KIAA1755: variants seen among roughly 807,000 people sequenced by gnomAD.
KIAA1755 encodes KIAA1755.
In KIAA1755, 68 loss-of-function variants were observed where a neutral mutation model predicts 91.7. The observed-to-expected ratio is 0.74, with a 90% CI of 0.61 to 0.91. KIAA1755 has a LOEUF of 0.91. Ranked by LOEUF, KIAA1755 falls within the 40% of genes least tolerant of loss-of-function variation. KIAA1755 has a pLI of 0.00. For missense variants in KIAA1755, 1,535 were observed against 1,494.4 expected, an observed-to-expected ratio of 1.03 and a Z score of -0.45; for synonymous variants, 610 against 604.6, an observed-to-expected ratio of 1.01 and a Z score of -0.13.
In KIAA1755 at chr20:38,260,681, A is replaced by G; in HGVS notation, c.-181T>C. On this transcript the variant is annotated 5_prime_UTR_variant, in exon 1 of 14. Coordinates refer to ENST00000279024, the MANE Select transcript of KIAA1755 (RefSeq NM_001029864.2). ...GGAGGAGCGGCCGGGGAGGACAGGG[A>G]GAGAGACTGAGAGAGAGACAGAGAG... 1.9e-6 allele frequency: 1 copy of G among 534,050 alleles called. No individual in the cohort carries two copies. Among genetic ancestry groups the G allele is most frequent in the Non-Finnish European group, 2.9e-6 (1 of 342,106 alleles). 33.1% of individuals were successfully genotyped at this position (534,050 alleles called of 1,614,324 possible). A position where few individuals can be genotyped will look rare whatever the true frequency, so the allele number is the denominator to read the frequency against.
chr20:38,213,417 C>A lies in KIAA1755; in HGVS notation c.3228G>T (p.Lys1076Asn). 6.2e-7 allele frequency: 1 copy of A among 1,600,314 alleles called. No individual in the cohort carries two copies. The highest frequency in any genetic ancestry group is 8.5e-7 in the Non-Finnish European group (1 of 1,173,096). ...TGACCTCTACACTCACACCCTGGCCCTTGGCTGCCACCCCTCTTCGTTCTG... is the reference window on the plus strand; with the variant it reads ...TGACCTCTACACTCACACCCTGGCCATTGGCTGCCACCCCTCTTCGTTCTG... ...ARPERRGVAA[K>N]GQGVSVEVTS... Residue 1076 changes from lysine (K) to asparagine (N), a missense_variant, in exon 14 of 14, where the codon AAG (lysine) becomes AAT (asparagine). Physicochemically the swap from Lys to Asn is moderately conservative, Grantham distance 94. Coordinates refer to ENST00000279024, the MANE Select transcript of KIAA1755 (RefSeq NM_001029864.2).
At chr20:38,218,084 T>A (rs1007280145) in intron 12 of KIAA1755, 160 bp downstream of exon 12, 1 of 828,728 alleles carries the variant, frequency 1.2e-6, no homozygotes, top group African/African-American at 1.7e-5. Flanking sequence ...CTGGGGGAGA[T>A]AACATCTCAG....
intron 5 of KIAA1755, among the ~76,000 whole-genome samples, chr20:38,228,877 A>T (rs969093891): frequency 1.3e-5 from 2 of 152,070 alleles, no homozygotes; most frequent in African/African-American, 4.8e-5. Context: ...CAGCCAAAAC[A>T]CCCTCCCTGG....
intron 1 of KIAA1755, among the ~76,000 whole-genome samples, chr20:38,250,508 G>C (rs3080898): frequency 0.036 from 4,244 of 118,134 alleles, 124 homozygotes; most frequent in African/African-American, 0.088. Context: ...GTGTGTGTGT[G>C]TGTCTGTGTG....
intron 4 of KIAA1755, among the ~76,000 whole-genome samples, chr20:38,239,265 G>A (rs2076010594): frequency 6.6e-6 from 1 of 152,264 alleles, no homozygotes; most frequent in Admixed American, 6.5e-5. Flanking sequence ...GGGGAACCCA[G>A]TATCCACCTT....
chr20:38,234,039 A>T (rs1021802771), intron 4 of KIAA1755, among the ~76,000 whole-genome samples: 5 of 152,152 alleles, frequency 3.3e-5, no homozygotes, highest in Non-Finnish European at 7.4e-5. Context: ...GGGCATTTGC[A>T]AGCCAAGGAG....
chr20:38,231,363 GT>G (rs1555823057), intron 4 of KIAA1755, 38 bp from the exon 5 acceptor site: 1 of 1,572,346 alleles, frequency 6.4e-7, no homozygotes. Flanking sequence ...GTGAGAACTT[GT>G]GGGGGGCCCT....
In KIAA1755 at chr20:38,213,195, G is replaced by A. The variant is rs748678943; in HGVS notation, c.3450C>T (p.Arg1150=). Residue 1150 remains arginine (R), a synonymous_variant, in exon 14 of 14, where the codon CGC becomes CGT. Coordinates refer to ENST00000279024, the MANE Select transcript of KIAA1755 (RefSeq NM_001029864.2). ...KGSHKLPDPA[R]EHLLATTFFR... is the part of the protein sequence containing the mutation. ...AGAAGGTGGTGGCAAGCAAATGCTC[G>A]CGGGCAGGGTCAGGCAGCTTGTGGG... is the stretch of plus-strand genomic sequence containing the variant. The A allele has an allele frequency of 1.5e-5, 24 of 1,613,456 alleles. No individual in the cohort carries two copies. The Admixed American group carries it at 2.0e-4, about 13-fold the overall frequency.
intron 5 of KIAA1755, among the ~76,000 whole-genome samples, chr20:38,230,034 A>G (rs528305941): frequency 9.2e-5 from 14 of 152,286 alleles, no homozygotes; most frequent in African/African-American, 2.9e-4. Flanking sequence ...CTTACCCCCA[A>G]CAGCAGACCT....
intron 11 of KIAA1755, 140 bp downstream of exon 11, chr20:38,219,490 C>T (rs1166609108): frequency 1.5e-5 from 17 of 1,131,114 alleles, no homozygotes; most frequent in Middle Eastern, 3.0e-4. Context: ...AGGATGCCTG[C>T]CTGGCCTTTG....
rs1006002602 is a variant in KIAA1755, at chr20:38,217,494, G to A, written c.2680-20C>T. 6 of 1,563,862 alleles carry A rather than the reference G, an allele frequency of 3.8e-6. No individual in the cohort carries two copies. The highest frequency in any genetic ancestry group is 1.8e-5 in the Admixed American group (1 of 56,042). On this transcript the variant is annotated intron_variant, in intron 12 of 13. Transcript: ENST00000279024. ...CTGGGCCTGAGAGGGGAGAGGAGGG[G>A]GCGCCCACTCAGCACCCACCTTGGC...
intron 10 of KIAA1755, 38 bp from the exon 11 acceptor site, chr20:38,219,806 C>T: frequency 1.2e-6 from 2 of 1,611,240 alleles, no homozygotes; most frequent in Non-Finnish European, 8.5e-7. Flanking sequence ...GCCTCTGTTG[C>T]CCTCTTCACC....
In KIAA1755 at chr20:38,260,479, C is replaced by G. The variant is rs2076429747; in HGVS notation, c.3+19G>C. 6.7e-7 allele frequency: 1 copy of G among 1,497,872 alleles called. No individual in the cohort carries two copies. Among genetic ancestry groups the G allele is most frequent in the African/African-American group, 1.4e-5 (1 of 70,628 alleles). 92.8% of individuals were successfully genotyped at this position (1,497,872 alleles called of 1,614,324 possible). A position where few individuals can be genotyped will look rare whatever the true frequency, so the allele number is the denominator to read the frequency against. ...CTGAAAGGGGGCAGAGCGAGGTGGTCCAGGCCTTGGCGCGTTACCATGGTG... is the reference window on the plus strand; with the variant it reads ...CTGAAAGGGGGCAGAGCGAGGTGGTGCAGGCCTTGGCGCGTTACCATGGTG... On this transcript the variant is annotated intron_variant, in intron 1 of 13. Transcript: ENST00000279024.
intron 4 of KIAA1755, among the ~76,000 whole-genome samples, chr20:38,232,668 A>G (rs2075889916): frequency 1.3e-5 from 2 of 151,750 alleles, no homozygotes; most frequent in East Asian, 1.9e-4. Context: ...ATAAATGTGT[A>G]TACATATATA....
intron 12 of KIAA1755, chr20:38,217,843 CCCCGCT>C: frequency 4.8e-6 from 2 of 419,884 alleles, no homozygotes; most frequent in South Asian, 3.3e-5. Context: ...CCGCCCCCGC[CCCCGCT>C]CCCCACTGGC....
chr20:38,244,582 G>A (rs2123263160), intron 2 of KIAA1755, among the ~76,000 whole-genome samples: 1 of 152,322 alleles, frequency 6.6e-6, no homozygotes, highest in East Asian at 1.9e-4. Context: ...GGTAGCAGGA[G>A]GGTGGATGTT....
chr20:38,247,207 C>G (rs1161830504), intron 1 of KIAA1755, among the ~76,000 whole-genome samples: 1 of 152,174 alleles, frequency 6.6e-6, no homozygotes, highest in Admixed American at 6.5e-5. Flanking sequence ...AGTCTCTGCT[C>G]CAAACTCCTC....
chr20:38,241,315 C>A lies in KIAA1755; in HGVS notation c.816G>T (p.Glu272Asp), dbSNP rs767088536. ...AGCCTAGGAGAGCCACATAGTCTCC[C>A]TCGAAGTCCTGGCTGACCACCTCGT... ...RMDEVVSQDF[E>D]GDYVALLGFS... Residue 272 changes from glutamate to aspartate, a missense_variant, in exon 3 of 14, where the codon GAG becomes GAT. Coordinates refer to ENST00000279024, the MANE Select transcript of KIAA1755 (RefSeq NM_001029864.2). 8.1e-6 allele frequency: 13 copies of A among 1,614,044 alleles called. No homozygotes were observed. The Admixed American group carries it at 1.7e-4, about 21-fold the overall frequency.
At chr20:38,218,022 C>A (rs1056723732) in intron 12 of KIAA1755, 2 of 601,340 alleles carry the variant, frequency 3.3e-6, no homozygotes, top group South Asian at 2.1e-5. Context: ...TTTTAAGAAA[C>A]CCTCTGGGGG....
Sources: allele counts gnomAD v4.1 joint callset (sites outside exome capture counted in the v4.1 genomes callset), GRCh38; gene constraint gnomAD v4.1.1; transcripts MANE v1.5; gene names NCBI Gene and HGNC (gene_info 2026-07-23, HGNC 2026-07-21).